The following HLF variants were observed in gnomAD, a reference collection of about 807,000 sequenced individuals.
The protein encoded by HLF is HLF transcription factor, PAR bZIP family member, also known as hepatic leukemia factor.
HLF carries 3 observed loss-of-function variants against 22.6 expected under a neutral mutation model. The ratio of observed to expected loss-of-function variants is 0.13; its 90% confidence interval spans 0.06 to 0.34. The LOEUF is 0.34. Among genes scored for constraint, HLF ranks in the 10% least tolerant of loss-of-function variants. HLF has a pLI of 1.00. For synonymous variants in HLF, 151 were observed against 151.8 expected (o/e 0.99, Z 0.04); for missense variants, 299 against 389.2 (o/e 0.77, Z 1.95).
intron 2 of HLF, among the ~76,000 whole-genome samples, chr17:55,297,865 T>C (rs1438604270): frequency 6.8e-6 from 1 of 148,134 alleles, no homozygotes; most frequent in Admixed American, 6.9e-5. Flanking sequence ...TTCTCCTGTC[T>C]CAACCTCCCA....
In HLF at chr17:55,320,020, T is replaced by A. The variant is rs941662121; in HGVS notation, c.673-644T>A. Among the ~76,000 whole-genome samples, 1 of 152,238 alleles carries A rather than the reference T, an allele frequency of 6.6e-6. No individual in the cohort carries two copies. The highest frequency in any genetic ancestry group is 1.9e-4 in the East Asian group (1 of 5,202). The stretch of plus-strand genomic sequence containing the variant: ...TTCTGGTGCAGGTGGGTCATTATTT[T>A]TAACAGCTGCCAAGTATCCCTTTGT... On this transcript the variant is annotated intron_variant, in intron 3 of 3. Transcript: ENST00000226067. The surrounding 1 kb of genome is among the most constrained non-coding windows in gnomAD (Gnocchi z 4.2).
chr17:55,273,636 G>C (rs111579349), intron 2 of HLF: 5 of 152,364 alleles, frequency 3.3e-5, no homozygotes, highest in Admixed American at 6.5e-5. Context: ...TGGGTGCCCA[G>C]TCCCCCAGCT....
intron 2 of HLF, among the ~76,000 whole-genome samples, chr17:55,270,149 T>C (rs2080838923): frequency 6.6e-6 from 1 of 152,172 alleles, no homozygotes; most frequent in Non-Finnish European, 1.5e-5. Context: ...ACTCCTGAGT[T>C]TCAGGGGATG....
intron 1 of HLF, chr17:55,266,930 G>T (rs1319334175): frequency 5.2e-6 from 2 of 382,390 alleles, no homozygotes; most frequent in Non-Finnish European, 7.2e-6. Context: ...GCTTTTGAAA[G>T]GTTTTGTAAA....
At chr17:55,309,062 G>A (rs998742310) in intron 2 of HLF, among the ~76,000 whole-genome samples, 3 of 152,242 alleles carry the variant, frequency 2.0e-5, no homozygotes, top group African/African-American at 7.2e-5. Flanking sequence ...CTGTTGGCCA[G>A]TGCAAGTCAG....
intron 2 of HLF, among the ~76,000 whole-genome samples, chr17:55,286,425 G>A (rs62079904): frequency 0.041 from 6,233 of 152,124 alleles, 135 homozygotes; most frequent in African/African-American, 0.052. Context: ...TTCAAAAAGA[G>A]GAATTAGGAG....
intron 2 of HLF, among the ~76,000 whole-genome samples, chr17:55,312,695 CAGTG>C (rs571338408): frequency 7.1e-4 from 108 of 152,292 alleles, no homozygotes; most frequent in African/African-American, 2.6e-3. Context: ...TCTGGAAAGA[CAGTG>C]AGTGAGACTG....
intron 3 of HLF, among the ~76,000 whole-genome samples, chr17:55,318,730 C>T (rs1598411217): frequency 1.3e-5 from 2 of 152,326 alleles, no homozygotes; most frequent in Admixed American, 1.3e-4. Flanking sequence ...ACCGCACTCC[C>T]AGGCACATTG....
intron 2 of HLF, chr17:55,271,864 AC>A (rs2080862061): frequency 6.6e-6 from 1 of 152,178 alleles, no homozygotes; most frequent in Admixed American, 6.5e-5. Context: ...ATTTACCATG[AC>A]TGCCCCAACC....
intron 2 of HLF, chr17:55,273,211 A>C (rs569429870): frequency 6.6e-6 from 1 of 152,316 alleles, no homozygotes; most frequent in East Asian, 1.9e-4. Context: ...TCAATTTCTT[A>C]ACCCTTTAAG....
intron 2 of HLF, among the ~76,000 whole-genome samples, chr17:55,283,117 TAAAGA>T (rs2080968705): frequency 6.7e-6 from 1 of 149,996 alleles, no homozygotes; most frequent in African/African-American, 2.5e-5. Flanking sequence ...AATTTTTTTA[TAAAGA>T]AAAGAAAAAA....
At chr17:55,287,019 T>A (rs1173527888) in intron 2 of HLF, among the ~76,000 whole-genome samples, 1 of 152,174 alleles carries the variant, frequency 6.6e-6, no homozygotes, top group East Asian at 1.9e-4. Flanking sequence ...TGCTGGTAAT[T>A]AACTTTAAAA....
chr17:55,288,789 C>A, intron 2 of HLF: 2 of 317,828 alleles, frequency 6.3e-6, no homozygotes, highest in East Asian at 1.7e-4. Context: ...AAAAAATATT[C>A]AAGAATGAAG....
intron 2 of HLF, among the ~76,000 whole-genome samples, chr17:55,298,043 C>T (rs1043881446): frequency 1.3e-5 from 2 of 152,094 alleles, no homozygotes; most frequent in African/African-American, 4.8e-5. Flanking sequence ...AGCCACCGCG[C>T]CCAGCCAGCA....
chr17:55,271,267 T>A (rs2080854746), intron 2 of HLF, among the ~76,000 whole-genome samples: 2 of 152,240 alleles, frequency 1.3e-5, no homozygotes. Context: ...AATAAGAGCA[T>A]AATTATACAC....
chr17:55,319,668 A>G (rs1469900412), intron 3 of HLF, among the ~76,000 whole-genome samples: 1 of 152,200 alleles, frequency 6.6e-6, no homozygotes, highest in Admixed American at 6.5e-5. Flanking sequence ...AGAGTAAATT[A>G]TGTAAATTCT....
In HLF at chr17:55,268,089, A is replaced by G. The variant is rs370224993; in HGVS notation, c.451+3A>G. On this transcript the variant is annotated splice_donor_region_variant and intron_variant, in intron 2 of 3. Coordinates refer to ENST00000226067, the MANE Select transcript of HLF (RefSeq NM_002126.5). ...TATGCAGAGCCCCATCAGACCAGGT[A>G]AGTGCCCTGAAGATTCTCCCTTCAG... 19 of 1,517,564 alleles carry G rather than the reference A, an allele frequency of 1.3e-5. No individual in the cohort carries two copies. The highest frequency in any genetic ancestry group is 4.2e-5 in the African/African-American group (3 of 71,462). 94.0% of individuals were successfully genotyped at this position (1,517,564 alleles called of 1,614,324 possible).
At chr17:55,306,179 C>T (rs1047720139) in intron 2 of HLF, among the ~76,000 whole-genome samples, 2 of 151,962 alleles carry the variant, frequency 1.3e-5, no homozygotes, top group African/African-American at 4.8e-5. Flanking sequence ...TATGATCACG[C>T]CACTACACTG....
In HLF at chr17:55,323,618, T is replaced by C; in HGVS notation, c.*2739T>C. On this transcript the variant is annotated 3_prime_UTR_variant, in exon 4 of 4. Coordinates refer to ENST00000226067, the MANE Select transcript of HLF (RefSeq NM_002126.5). ...CTTTGGAGTCTGTACAGGTGCCTTA[T>C]ATGTAGGTCATTGTCACGATACACA... 1 of 227,908 alleles carries C rather than the reference T, an allele frequency of 4.4e-6. No individual in the cohort carries two copies. The allele number at this position is 227,908 out of a possible 1,614,324, so 14.1% of individuals were successfully genotyped here. A position where few individuals can be genotyped will look rare whatever the true frequency, so the allele number is the denominator to read the frequency against.
Sources: gnomAD v4.1 joint callset for allele counts (sites outside exome capture counted in the v4.1 genomes callset) on GRCh38, gnomAD v4.1.1 for gene constraint, Gnocchi (gnomAD v3.1) non-coding constraint, MANE v1.5 for transcripts, NCBI Gene and HGNC (gene_info 2026-07-23, HGNC 2026-07-21) for gene names.